The following SULF1 variants were observed in gnomAD, a reference collection of about 807,000 sequenced individuals.
The protein encoded by SULF1 is extracellular sulfatase Sulf-1.
A neutral mutation model predicts 110.5 loss-of-function variants in SULF1; 46 were observed. The ratio of observed to expected loss-of-function variants is 0.42; its 90% CI spans 0.33 to 0.53. SULF1 has a LOEUF of 0.53. SULF1 is among the 20% of genes least tolerant of loss of function. The probability of loss-of-function intolerance (pLI) is 0.12; values close to 1 mark genes in which losing one functional copy is unlikely to be tolerated. For missense variants in SULF1, 941 were observed against 1,094.2 expected, an observed-to-expected ratio of 0.86 and a Z score of 1.98; for synonymous variants, 371 against 387.1, an observed-to-expected ratio of 0.96 and a Z score of 0.49.
intron 1 of SULF1, among the ~76,000 whole-genome samples, chr8:69,494,339 C>T (rs915164811): frequency 1.3e-5 from 2 of 152,008 alleles, no homozygotes; most frequent in Non-Finnish European, 2.9e-5. Flanking sequence ...TATGATAGTA[C>T]AACATCCAAA....
At chr8:69,615,235 C>T (rs559620661) in intron 13 of SULF1, among the ~76,000 whole-genome samples, 16 of 152,338 alleles carry the variant, frequency 1.1e-4, no homozygotes, top group African/African-American at 3.6e-4. Flanking sequence ...ATTTAAATGG[C>T]TTGCTTCATG....
At chr8:69,554,955 G>C (rs1302580681) in intron 3 of SULF1, among the ~76,000 whole-genome samples, 1 of 133,846 alleles carries the variant, frequency 7.5e-6, no homozygotes, top group East Asian at 2.1e-4. Flanking sequence ...CTCCAGCCTG[G>C]GCGACAGGGC....
At chr8:69,468,325 G>A (rs773733377) in intron 1 of SULF1, among the ~76,000 whole-genome samples, 7 of 152,206 alleles carry the variant, frequency 4.6e-5, no homozygotes, top group Non-Finnish European at 8.8e-5. Context: ...TTTAGTATTC[G>A]ATTGCATAAA....
chr8:69,553,378 A>G (rs1397888523), intron 3 of SULF1, among the ~76,000 whole-genome samples: 3 of 152,258 alleles, frequency 2.0e-5, no homozygotes, highest in Non-Finnish European at 4.4e-5. Context: ...AAATACAATT[A>G]TGAAACAGAA....
At chr8:69,504,255 G>C (rs987104766) in intron 3 of SULF1, among the ~76,000 whole-genome samples, 2 of 151,944 alleles carry the variant, frequency 1.3e-5, no homozygotes, top group Non-Finnish European at 2.9e-5. Context: ...AAGTGTCTAG[G>C]CTGGGCACAG....
At position 69,604,795 on chromosome 8, in the gene SULF1, T is replaced by A; in HGVS notation, c.1248-8T>A. On this transcript the variant is annotated splice_polypyrimidine_tract_variant and splice_region_variant and intron_variant, in intron 12 of 22. Transcript: ENST00000402687. ...CTCATGTACGAAGCTTTTCCCTTTTTGTCGAAGCAAATTTCTACGTAAGAA... is the reference window on the plus strand; with the variant it reads ...CTCATGTACGAAGCTTTTCCCTTTTAGTCGAAGCAAATTTCTACGTAAGAA... The A allele has an allele frequency of 6.2e-7, 1 of 1,614,002 alleles. No homozygotes were observed. Among genetic ancestry groups the A allele is most frequent in the East Asian group, 2.2e-5 (1 of 44,876 alleles).
At chr8:69,508,325 G>A (rs1441194) in intron 3 of SULF1, among the ~76,000 whole-genome samples, 4,503 of 152,146 alleles carry the variant, frequency 0.03, 217 homozygotes, top group African/African-American at 0.1. Flanking sequence ...AGCTGGTCTC[G>A]AACTCCCAAC....
chr8:69,523,080 A>C (rs1586297279), intron 3 of SULF1, among the ~76,000 whole-genome samples: 1 of 152,210 alleles, frequency 6.6e-6, no homozygotes, highest in South Asian at 2.1e-4. Context: ...TTTGAGGAGA[A>C]GCATGATCAT....
chr8:69,621,538 G>T (rs1286173819), intron 14 of SULF1, among the ~76,000 whole-genome samples: 1 of 152,192 alleles, frequency 6.6e-6, no homozygotes, highest in African/African-American at 2.4e-5. Context: ...ATTCCAAAAG[G>T]TAAAGGATAT....
intron 3 of SULF1, among the ~76,000 whole-genome samples, chr8:69,560,278 A>G (rs1815391201): frequency 6.6e-6 from 1 of 151,864 alleles, no homozygotes; most frequent in Non-Finnish European, 1.5e-5. Flanking sequence ...AGATTGGGGT[A>G]TTGTGGAACA....
At chr8:69,546,195 ATC>A (rs2150680750) in intron 3 of SULF1, among the ~76,000 whole-genome samples, 1 of 152,368 alleles carries the variant, frequency 6.6e-6, no homozygotes, top group Admixed American at 6.5e-5. Context: ...TTTGCATCAC[ATC>A]ATTTAGGACT....
chr8:69,646,252 G>T (rs749033437), intron 22 of SULF1, among the ~76,000 whole-genome samples: 34 of 152,172 alleles, frequency 2.2e-4, no homozygotes, highest in Non-Finnish European at 3.7e-4. Flanking sequence ...GAATAGTTTT[G>T]TGAGTCACAT....
intron 1 of SULF1, among the ~76,000 whole-genome samples, chr8:69,479,835 C>T (rs1809442945): frequency 6.6e-6 from 1 of 152,040 alleles, no homozygotes; most frequent in Admixed American, 6.6e-5. Context: ...AAGTATGAGT[C>T]GGTAAATTCT....
chr8:69,538,936 C>T (rs564656062), intron 3 of SULF1, among the ~76,000 whole-genome samples: 5 of 152,278 alleles, frequency 3.3e-5, no homozygotes, highest in East Asian at 1.9e-4. Flanking sequence ...TGTGATCTGC[C>T]GGCTTCGGCC....
upstream of SULF1, among the ~76,000 whole-genome samples, chr8:69,489,203 A>G (rs1043738040): frequency 1.3e-5 from 2 of 152,190 alleles, no homozygotes; most frequent in Non-Finnish European, 1.5e-5. Context: ...TCCCTTGACC[A>G]TGCCTGATCT....
intron 5 of SULF1, among the ~76,000 whole-genome samples, chr8:69,570,342 C>T (rs1238948115): frequency 1.3e-5 from 2 of 152,236 alleles, no homozygotes; most frequent in Non-Finnish European, 2.9e-5. Context: ...CTGGACATGA[C>T]AAACAGGTTT....
At chr8:69,512,179 T>C (rs1811609807) in intron 3 of SULF1, among the ~76,000 whole-genome samples, 1 of 152,154 alleles carries the variant, frequency 6.6e-6, no homozygotes, top group African/African-American at 2.4e-5. Flanking sequence ...GTAACAAACA[T>C]AGTGTTCGGT....
Position 69,638,572 on chromosome 8 carries a change from G to A in SULF1, c.2355G>A (p.Thr785=), listed in dbSNP as rs1431378194. 25 of 1,613,864 alleles carry A rather than the reference G, an allele frequency of 1.5e-5. No homozygotes were observed. The highest frequency in any genetic ancestry group is 2.2e-5 in the East Asian group (1 of 44,882). ...GGTGTTTGCGTACAGTTAATGAGAC[G>A]CATAATTTTCTTTTCTGTGAGTTTG... ...TYWCLRTVNE[T]HNFLFCEFAT... Residue 785 remains threonine (T), a synonymous_variant, in exon 20 of 23, where the codon ACG becomes ACA. Transcript: ENST00000402687.
At chr8:69,519,575 A>C (rs1277736153) in intron 3 of SULF1, among the ~76,000 whole-genome samples, 1 of 152,134 alleles carries the variant, frequency 6.6e-6, no homozygotes, top group South Asian at 2.1e-4. Context: ...AGCAAATATC[A>C]TATGTGTTCA....
Sources: gnomAD v4.1 joint callset for allele counts (sites outside exome capture counted in the v4.1 genomes callset) on GRCh38, gnomAD v4.1.1 for gene constraint, MANE v1.5 for transcripts, NCBI Gene and HGNC (gene_info 2026-07-23, HGNC 2026-07-21) for gene names.